The following NCKAP5 variants were observed in gnomAD, a reference collection of about 807,000 sequenced individuals.
NCKAP5 encodes NCK associated protein 5, also known as nck-associated protein 5.
In NCKAP5, 92 loss-of-function variants were observed where a neutral mutation model predicts 167.0. The observed-to-expected ratio is 0.55, with a 90% CI of 0.47 to 0.66. The LOEUF is 0.66. Among genes scored for constraint, NCKAP5 ranks in the 30% least tolerant of loss-of-function variants. NCKAP5 has a pLI of 0.00. For missense variants in NCKAP5, 2,378 were observed against 2,315.0 expected (o/e 1.03, Z -0.56); for synonymous variants, 891 against 877.4 (o/e 1.02, Z -0.27).
Position 132,790,204 on chromosome 2 carries a change from T to C in NCKAP5, c.911A>G (p.Glu304Gly), listed in dbSNP as rs769184952. ...GGCCGATTTTGTATTTAGTTGGTGT[T>C]CCTGAAAAAGCAGGACAGCTCTGAG... is the stretch of plus-strand genomic sequence containing the variant. The part of the protein sequence containing the change: ...TQSRTDAEVH[E>G]HQLNTKSALK... The change falls in exon 13 of 20, where the codon GAA becomes GGA. Residue 304 changes from glutamate to glycine, a missense_variant and splice_region_variant. Transcript: ENST00000409261. The C allele has an allele frequency of 1.9e-6, 3 of 1,610,714 alleles. No homozygotes were observed.
intron 3 of NCKAP5, among the ~76,000 whole-genome samples, chr2:133,513,810 C>T (rs948976302): frequency 2.6e-5 from 4 of 151,654 alleles, no homozygotes; most frequent in African/African-American, 9.7e-5. Context: ...TACTGTTACT[C>T]TCATCTGTGC....
chr2:132,750,024 G>A (rs561079365), intron 16 of NCKAP5, among the ~76,000 whole-genome samples: 5 of 152,262 alleles, frequency 3.3e-5, no homozygotes, highest in East Asian at 1.9e-4. Context: ...AGAAACTGAC[G>A]CAAAGGTTTG....
In NCKAP5 at chr2:132,692,722, C is replaced by T. The variant is rs548773324; in HGVS notation, c.5714-19417G>A. Among the ~76,000 whole-genome samples, 8 of 152,270 alleles carry T rather than the reference C, an allele frequency of 5.3e-5. No homozygotes were observed. The East Asian group carries it at 1.4e-3, about 26-fold the overall frequency. On this transcript the variant is annotated intron_variant, in intron 19 of 19. Transcript: ENST00000409261. Reference sequence around the variant, plus strand: ...GATATAAACATTTCTCTAATTACATCAATACTCATGTTTAACGTGGAAAAC... The same window carrying T: ...GATATAAACATTTCTCTAATTACATTAATACTCATGTTTAACGTGGAAAAC...
At chr2:133,290,344 A>C (rs1679488453) in intron 4 of NCKAP5, among the ~76,000 whole-genome samples, 1 of 152,212 alleles carries the variant, frequency 6.6e-6, no homozygotes, top group Non-Finnish European at 1.5e-5. Flanking sequence ...AAATCATGAG[A>C]TATCCTTTCA....
chr2:133,054,679 A>G (rs1167945190), intron 6 of NCKAP5, among the ~76,000 whole-genome samples: 1 of 152,212 alleles, frequency 6.6e-6, no homozygotes, highest in African/African-American at 2.4e-5. Flanking sequence ...GGGGTTAGAA[A>G]TACTAAAAAG....
At chr2:133,223,391 C>G (rs1272114334) in intron 4 of NCKAP5, among the ~76,000 whole-genome samples, 1 of 152,112 alleles carries the variant, frequency 6.6e-6, no homozygotes, top group Non-Finnish European at 1.5e-5. Context: ...TCTCTCCCCA[C>G]ACAGAAGTGC....
At chr2:133,482,669 T>C (rs1680557557) in intron 3 of NCKAP5, among the ~76,000 whole-genome samples, 1 of 152,240 alleles carries the variant, frequency 6.6e-6, no homozygotes, top group Non-Finnish European at 1.5e-5. Flanking sequence ...AGTTGTGAGA[T>C]TGCTGGATCA....
At chr2:133,641,490 T>G in the NCKAP5 span, among the ~76,000 whole-genome samples, 1 of 152,212 alleles carries the variant, frequency 6.6e-6, no homozygotes, top group Non-Finnish European at 1.5e-5. Flanking sequence ...GCTGAAAAGA[T>G]TTTGGAAATA....
intron 5 of NCKAP5, among the ~76,000 whole-genome samples, chr2:133,150,704 G>A (rs1384756191): frequency 6.6e-6 from 1 of 152,142 alleles, no homozygotes; most frequent in African/African-American, 2.4e-5. Flanking sequence ...TCTGATTAAA[G>A]CTGAATATAT....
At chr2:132,707,655 G>A (rs1019277773) in intron 19 of NCKAP5, among the ~76,000 whole-genome samples, 3 of 152,174 alleles carry the variant, frequency 2.0e-5, no homozygotes, top group Non-Finnish European at 4.4e-5. Flanking sequence ...TGATGTAAGC[G>A]TGAGCAAAAC....
intron 5 of NCKAP5, among the ~76,000 whole-genome samples, chr2:133,158,266 G>C (rs1444885217): frequency 6.6e-6 from 1 of 152,156 alleles, no homozygotes; most frequent in Non-Finnish European, 1.5e-5. Flanking sequence ...TGCAGCTGCA[G>C]AAACAGGTAA....
chr2:133,526,190 A>C (rs1213277537), intron 2 of NCKAP5, among the ~76,000 whole-genome samples: 1 of 128,814 alleles, frequency 7.8e-6, no homozygotes, highest in Non-Finnish European at 1.6e-5. Context: ...GAAGGAAGGA[A>C]GGAAGGAAGG....
At chr2:133,600,702 A>G in the NCKAP5 span, among the ~76,000 whole-genome samples, 14 of 152,356 alleles carry the variant, frequency 9.2e-5, no homozygotes, top group African/African-American at 3.4e-4. Flanking sequence ...TTCTTTGCCA[A>G]TGAATCCTTC....
chr2:132,756,069 C>T (rs1375234256), intron 16 of NCKAP5, among the ~76,000 whole-genome samples: 1 of 151,864 alleles, frequency 6.6e-6, no homozygotes, highest in African/African-American at 2.4e-5. Flanking sequence ...AGTTCCTTGG[C>T]AAAGGGAGAA....
At chr2:133,130,219 C>T (rs905294145) in intron 5 of NCKAP5, 108 bp from the exon 6 acceptor site, 1 of 1,237,180 alleles carries the variant, frequency 8.1e-7, no homozygotes, top group Admixed American at 3.2e-5. Context: ...GAATTTCATC[C>T]TTTGAACAAC....
chr2:132,795,045 T>G lies in NCKAP5; in HGVS notation c.909+1583A>C, dbSNP rs953910410. ...AGGCACTGTGTATGCACATTTCCTG[T>G]GTTATCTCATTTAATCCTCACCACA... On this transcript the variant is annotated intron_variant, in intron 12 of 19. Transcript: ENST00000409261. Among the ~76,000 whole-genome samples the G allele has an allele frequency of 6.6e-5, 10 of 152,316 alleles. No homozygotes were observed. In the East Asian group the frequency reaches 1.9e-3, roughly 29 times the overall value.
At chr2:133,507,644 T>C (rs1316035936) in intron 3 of NCKAP5, among the ~76,000 whole-genome samples, 3 of 152,150 alleles carry the variant, frequency 2.0e-5, no homozygotes, top group African/African-American at 7.2e-5. Flanking sequence ...AATTAGTGTA[T>C]AAAAGGACAG....
At chr2:132,942,249 C>T (rs1574712226) in intron 8 of NCKAP5, among the ~76,000 whole-genome samples, 2 of 152,014 alleles carry the variant, frequency 1.3e-5, no homozygotes, top group East Asian at 3.9e-4. Context: ...GGTAATTATA[C>T]ATAATTTAGA....
intron 16 of NCKAP5, among the ~76,000 whole-genome samples, chr2:132,749,360 T>A (rs1446614853): frequency 1.3e-5 from 2 of 151,996 alleles, no homozygotes; most frequent in Non-Finnish European, 2.9e-5. Flanking sequence ...CAAGCCACCA[T>A]GCCTGGCTAA....
Sources: allele counts gnomAD v4.1 joint callset (sites outside exome capture counted in the v4.1 genomes callset), GRCh38; gene constraint gnomAD v4.1.1; transcripts MANE v1.5; gene names NCBI Gene and HGNC (gene_info 2026-07-23, HGNC 2026-07-21).